Variants in SNX32 observed in about 807,000 individuals in gnomAD.
SNX32 encodes sorting nexin-32.
A neutral mutation model predicts 57.0 loss-of-function variants in SNX32; 58 were observed. That is an observed-to-expected ratio of 1.02 (90% confidence interval 0.82 to 1.27). The LOEUF is 1.27. Ranked by LOEUF, SNX32 falls within the 50% of genes most tolerant of loss-of-function variation. The pLI is 0.00. For synonymous variants in SNX32, 262 were observed against 220.4 expected (o/e 1.19, Z -1.67); for missense variants, 589 against 541.2 (o/e 1.09, Z -0.88).
chr11:65,848,380 C>T (rs1287159056), intron 1 of SNX32, among the ~76,000 whole-genome samples: 1 of 150,340 alleles, frequency 6.7e-6, no homozygotes, highest in Non-Finnish European at 1.5e-5. Context: ...TGAGACCAGC[C>T]TGGGCAACAT....
In SNX32 at chr11:65,852,339, C is replaced by T; in HGVS notation, c.826-126C>T. On this transcript the variant is annotated intron_variant, in intron 9 of 12. Transcript: ENST00000308342. ...GCCTTCCCTGGCCTGCACCCCTCAA[C>T]ACCAGACCTGACCTGGAACAGTTAC... 5 of 846,262 alleles carry T rather than the reference C, an allele frequency of 5.9e-6. 1 individual carries two copies. In the South Asian group the frequency reaches 7.5e-5, roughly 13 times the overall value. 52.4% of individuals were successfully genotyped at this position (846,262 alleles called of 1,614,324 possible).
At position 65,850,583 on chromosome 11, in the gene SNX32, C is replaced by T. The variant is rs764373573; in HGVS notation, c.498+29C>T. ...AGCTGGGCCGAATCCCTGGGGTCAC[C>T]CTTGGGCCAGGAGTCTACCTTGGGT... On this transcript the variant is annotated intron_variant, in intron 5 of 12. Transcript: ENST00000308342. The T allele has an allele frequency of 1.5e-5, 24 of 1,583,852 alleles. No homozygotes were observed. The South Asian group carries it at 2.5e-4, about 16-fold the overall frequency.
Position 65,850,168 on chromosome 11 carries a change from A to T in SNX32, c.271A>T (p.Arg91Trp), listed in dbSNP as rs746301367. 1 of 1,614,228 alleles carries T rather than the reference A, an allele frequency of 6.2e-7. No individual in the cohort carries two copies. Among genetic ancestry groups the T allele is most frequent in the South Asian group, 1.1e-5 (1 of 91,086 alleles). Residue 91 changes from arginine (R) to tryptophan (W), a missense_variant, in exon 4 of 13, where the codon AGG becomes TGG. By Grantham distance (101) the Arg-to-Trp change is moderately radical (BLOSUM62 -3). Transcript: ENST00000308342. ...TGAGCAGATCCCCCCAGCCCCTCCG[A>T]GGCCAGACTTTGAGGCTTCGAGGGA... ...AGLIIPPAPP[R>W]PDFEASREKL... is the part of the protein sequence containing the mutation.
intron 1 of SNX32, 81 bp from the exon 2 acceptor site, chr11:65,849,397 A>G (rs1859091860): frequency 1.9e-6 from 2 of 1,034,638 alleles, no homozygotes; most frequent in African/African-American, 3.2e-5. Context: ...AGGGTTCTGC[A>G]GGTGGATCAG....
intron 1 of SNX32, among the ~76,000 whole-genome samples, chr11:65,839,908 C>A (rs536081524): frequency 1.6e-4 from 25 of 152,048 alleles, no homozygotes; most frequent in Admixed American, 7.2e-4. Context: ...CCTGTAATCC[C>A]AGCACTTTGG....
At chr11:65,834,918 A>G (rs2134685300) in intron 1 of SNX32, among the ~76,000 whole-genome samples, 1 of 136,876 alleles carries the variant, frequency 7.3e-6, no homozygotes, top group South Asian at 2.3e-4. Flanking sequence ...GTGTGTGTCT[A>G]TGTCAGTGTG....
chr11:65,848,903 G>A (rs1489648131), intron 1 of SNX32, among the ~76,000 whole-genome samples: 1 of 152,154 alleles, frequency 6.6e-6, no homozygotes, highest in Non-Finnish European at 1.5e-5. Flanking sequence ...AGCACTTTGG[G>A]ACGCCAAGGC....
intron 5 of SNX32, 86 bp from the exon 6 acceptor site, chr11:65,850,665 G>A (rs1859152271): frequency 1.3e-6 from 2 of 1,572,944 alleles, no homozygotes; most frequent in East Asian, 2.3e-5. Context: ...GCCCAATCCT[G>A]TGTCACAGCT....
chr11:65,840,393 G>A lies in SNX32; in HGVS notation c.36+6292G>A, dbSNP rs913236555. ...GTCATCATATCATCACTTCCACATT[G>A]TACTGGAGGTCTTGGCAAGTATAAT... On this transcript the variant is annotated intron_variant, in intron 1 of 12. Transcript: ENST00000308342. 6.6e-5 allele frequency among the ~76,000 whole-genome samples: 10 copies of A among 152,192 alleles called. 1 individual carries two copies. Among genetic ancestry groups the A allele is most frequent in the Admixed American group, 6.5e-4 (10 of 15,284 alleles).
At chr11:65,851,610 T>C (rs776277821) in intron 8 of SNX32, 30 bp from the exon 9 acceptor site, 5 of 1,613,658 alleles carry the variant, frequency 3.1e-6, no homozygotes, top group South Asian at 1.1e-5. Context: ...CTCAGCCCCC[T>C]ACCCTAACTC....
rs151185979 is a variant in SNX32 at position 65,845,293 on chromosome 11, C to T, written c.37-4185C>T. Among the ~76,000 whole-genome samples the T allele has an allele frequency of 9.7e-3, 1,471 of 151,808 alleles. 20 individuals are homozygous for T. Among genetic ancestry groups the T allele is most frequent in the African/African-American group, 0.033 (1,367 of 41,336 alleles). ...TCTCTACTAAAAAATACAAAATTAGCTGGGCGTGGTGGTGTATGACTGTAA... is the reference window on the plus strand; with the variant it reads ...TCTCTACTAAAAAATACAAAATTAGTTGGGCGTGGTGGTGTATGACTGTAA... On this transcript the variant is annotated intron_variant, in intron 1 of 12. Transcript: ENST00000308342.
intron 1 of SNX32, among the ~76,000 whole-genome samples, chr11:65,842,858 G>C (rs1858880034): frequency 1.3e-5 from 2 of 148,418 alleles, no homozygotes; most frequent in South Asian, 4.3e-4. Context: ...GCTGAGGCAG[G>C]AGAATCGCTT....
Position 65,853,369 on chromosome 11 carries a change from A to T in SNX32, c.*34A>T, listed in dbSNP as rs1346571839. ...GAGCTCAGCCAGACCCTAATCTGGGATCTCCAGTGACCAGGGTATCCCAGA... is the reference window on the plus strand; with the variant it reads ...GAGCTCAGCCAGACCCTAATCTGGGTTCTCCAGTGACCAGGGTATCCCAGA... On this transcript the variant is annotated 3_prime_UTR_variant, in exon 13 of 13. Coordinates refer to ENST00000308342, the MANE Select transcript of SNX32 (RefSeq NM_152760.3). 6.2e-7 allele frequency: 1 copy of T among 1,605,998 alleles called. No individual in the cohort carries two copies. Among genetic ancestry groups the T allele is most frequent in the Admixed American group, 1.7e-5 (1 of 60,002 alleles).
rs968991381 is a variant in SNX32, at chr11:65,850,637, G to A, written c.498+83G>A. ...GAGGCACCCAGGGGTGGCAGGGCTG[G>A]AGAAGGGGCCCAAGTGGGCCCAATC... On this transcript the variant is annotated intron_variant, in intron 5 of 12. Coordinates refer to ENST00000308342, the MANE Select transcript of SNX32 (RefSeq NM_152760.3). The A allele has an allele frequency of 4.5e-6, 7 of 1,559,936 alleles. No homozygotes were observed. In the African/African-American group the frequency reaches 5.4e-5, roughly 12 times the overall value.
Position 65,834,043 on chromosome 11 carries a change from G to C in SNX32, c.-23G>C. ...CTGCGGGAGCACGCGGGCAGTGGCC[G>C]GACGCTGAAGCCCAGGAGAGCGATG... On this transcript the variant is annotated 5_prime_UTR_variant, in exon 1 of 13. Transcript: ENST00000308342. 1 of 1,549,412 alleles carries C rather than the reference G, an allele frequency of 6.5e-7. No homozygotes were observed. The highest frequency in any genetic ancestry group is 8.7e-7 in the Non-Finnish European group (1 of 1,145,834).
At chr11:65,835,169 T>G (rs1858632998) in intron 1 of SNX32, among the ~76,000 whole-genome samples, 1 of 152,054 alleles carries the variant, frequency 6.6e-6, no homozygotes, top group African/African-American at 2.4e-5. Flanking sequence ...AAAGGAGACT[T>G]GAGCAAGGGA....
intron 8 of SNX32, 72 bp downstream of exon 8, chr11:65,851,475 G>C (rs1477016319): frequency 2.6e-6 from 4 of 1,565,356 alleles, no homozygotes; most frequent in Admixed American, 1.7e-5. Flanking sequence ...GGGTCACTCT[G>C]TAGATGTCTA....
chr11:65,851,279 G>C, intron 7 of SNX32, 49 bp from the exon 8 acceptor site: 1 of 1,610,038 alleles, frequency 6.2e-7, no homozygotes, highest in Non-Finnish European at 8.5e-7. Flanking sequence ...CAAGCACCAA[G>C]GCTTGACATG....
Position 65,850,786 on chromosome 11 carries a change from C to T in SNX32, c.534C>T (p.Leu178=), listed in dbSNP as rs1256544812. ...SVRGKNRKEL[L]GGFLRNIVKS... is the part of the protein sequence containing the mutation. ...GGGGGAAGAACAGGAAGGAGCTCCT[C>T]GGAGGGTTTCTGAGGAATATTGTGA... Residue 178 remains leucine, a synonymous_variant, in exon 6 of 13, where the codon CTC becomes CTT. Coordinates refer to ENST00000308342, the MANE Select transcript of SNX32 (RefSeq NM_152760.3). The T allele has an allele frequency of 1.4e-5, 22 of 1,614,072 alleles. No homozygotes were observed. The highest frequency in any genetic ancestry group is 3.3e-5 in the South Asian group (3 of 91,058).
Sources: gnomAD v4.1 joint callset for allele counts (sites outside exome capture counted in the v4.1 genomes callset) on GRCh38, gnomAD v4.1.1 for gene constraint, MANE v1.5 for transcripts, NCBI Gene and HGNC (gene_info 2026-07-23, HGNC 2026-07-21) for gene names.